The following TNRC18 variants were observed in gnomAD, a reference collection of about 807,000 sequenced individuals.
The protein encoded by TNRC18 is trinucleotide repeat containing 18.
Under a neutral mutation model 226.7 loss-of-function variants are expected in TNRC18, and 69 were observed. That is an observed-to-expected ratio of 0.30 (90% CI 0.25 to 0.37). The LOEUF (loss-of-function observed/expected upper bound fraction) is 0.37, where lower values mean the gene tolerates loss of function less well. Ranked by LOEUF, TNRC18 falls within the 10% of genes least tolerant of loss-of-function variation. The pLI, the probability that TNRC18 is intolerant of heterozygous loss-of-function variation, is 1.00. For synonymous variants in TNRC18, 2,449 were observed against 1,927.6 expected, an observed-to-expected ratio of 1.27 and a Z score of -7.09; for missense variants, 4,754 against 4,256.6, an observed-to-expected ratio of 1.12 and a Z score of -3.25.
intron 24 of TNRC18, 125 bp from the exon 25 acceptor site, chr7:5,316,197 C>T: frequency 3.3e-6 from 2 of 603,726 alleles, no homozygotes; most frequent in East Asian, 7.2e-5. Context: ...GCAGTGGGGA[C>T]ATGGGTGGAG....
chr7:5,315,265 G>A lies in TNRC18; in HGVS notation c.6863-117C>T, dbSNP rs561939969. 144 of 1,144,628 alleles carry A rather than the reference G, an allele frequency of 1.3e-4. No individual in the cohort carries two copies. In the African/African-American group the frequency reaches 1.7e-3, roughly 13 times the overall value. The allele number at this position is 1,144,628 out of a possible 1,614,324, so 70.9% of individuals were successfully genotyped here. ...GGGCGGAAGCAACCGACACCAGGTG[G>A]CTGACCCCGGATGGGCTCCCATGAC... is the stretch of plus-strand genomic sequence containing the variant. On this transcript the variant is annotated intron_variant, in intron 25 of 29. Coordinates refer to ENST00000430969, the MANE Select transcript of TNRC18 (RefSeq NM_001080495.3).
At chr7:5,376,695 T>C (rs1288408409) in intron 8 of TNRC18, among the ~76,000 whole-genome samples, 152 bp downstream of exon 8, 2 of 152,140 alleles carry the variant, frequency 1.3e-5, no homozygotes, top group African/African-American at 4.8e-5. Flanking sequence ...TTTACAACAC[T>C]GGCAACAGAT....
At chr7:5,355,618 G>A (rs1399226222) in intron 16 of TNRC18, among the ~76,000 whole-genome samples, 1 of 152,148 alleles carries the variant, frequency 6.6e-6, no homozygotes, top group Non-Finnish European at 1.5e-5. Flanking sequence ...GCACGTGGTG[G>A]TACACAGCTG....
chr7:5,345,522 T>TCTCCCCCC, intron 18 of TNRC18, 40 bp downstream of exon 18: 1 of 170,136 alleles, frequency 5.9e-6, no homozygotes, highest in Non-Finnish European at 1.1e-5. Context: ...CGTCCGCCCC[T>TCTCCCCCC]CCCACCCACC....
In TNRC18 at chr7:5,377,310, G is replaced by A. The variant is rs1213066213; in HGVS notation, c.2461+61C>T. 22 of 1,401,528 alleles carry A rather than the reference G, an allele frequency of 1.6e-5. No homozygotes were observed. Among genetic ancestry groups the A allele is most frequent in the East Asian group, 2.5e-5 (1 of 39,706 alleles). The allele number at this position is 1,401,528 out of a possible 1,614,324, so 86.8% of individuals were successfully genotyped here. ...GGAGCCAGCCCTGAGCTCTTGTCCT[G>A]CACCCGCCCCCTCCCACCCCTCCCT... is the stretch of plus-strand genomic sequence containing the variant. On this transcript the variant is annotated intron_variant, in intron 7 of 29. Coordinates refer to ENST00000430969, the MANE Select transcript of TNRC18 (RefSeq NM_001080495.3). The surrounding 1 kb of genome is among the most constrained non-coding windows in gnomAD (Gnocchi z 5.8).
At chr7:5,380,558 G>A (rs1357143718) in intron 5 of TNRC18, among the ~76,000 whole-genome samples, 2 of 152,202 alleles carry the variant, frequency 1.3e-5, no homozygotes, top group Non-Finnish European at 2.9e-5. Flanking sequence ...GGGACAGCCG[G>A]GCAGCCCGGC....
intron 11 of TNRC18, among the ~76,000 whole-genome samples, chr7:5,368,541 G>A (rs1478673196): frequency 6.6e-6 from 1 of 151,536 alleles, no homozygotes; most frequent in Non-Finnish European, 1.5e-5. Flanking sequence ...GTGCGTGCCT[G>A]TAATCCCAGG....
chr7:5,345,516 C>CGGGGGGGGGGCGGCG, intron 18 of TNRC18, 46 bp downstream of exon 18: 1 of 354,368 alleles, frequency 2.8e-6, no homozygotes, highest in East Asian at 4.8e-5. Context: ...CAATGGCGTC[C>CGGGGGGGGGGCGGCG]GCCCCTCCCA....
intron 2 of TNRC18, among the ~76,000 whole-genome samples, chr7:5,415,536 C>A (rs184621103): frequency 3.8e-4 from 58 of 151,652 alleles, no homozygotes; most frequent in Admixed American, 9.9e-4. Context: ...CGCCACCACA[C>A]CCAGCCAATT....
chr7:5,403,325 T>G (rs1781240084), intron 2 of TNRC18, among the ~76,000 whole-genome samples: 1 of 152,088 alleles, frequency 6.6e-6, no homozygotes, highest in African/African-American at 2.4e-5. Flanking sequence ...CACGCCCAGC[T>G]AAATTTGTAT....
intron 18 of TNRC18, among the ~76,000 whole-genome samples, chr7:5,339,027 A>G (rs184445191): frequency 2.2e-4 from 32 of 148,278 alleles, no homozygotes; most frequent in African/African-American, 7.9e-4. Flanking sequence ...GCCAGGCACA[A>G]TGGCTCACAC....
At position 5,374,172 on chromosome 7, in the gene TNRC18, AGGCGGGCGGCGGGCTGGTGGGGTGGG is replaced by A; in HGVS notation, c.3086_3111del (p.Ser1029PhefsTer76). 3.1e-6 allele frequency: 1 copy of A among 319,280 alleles called. No individual in the cohort carries two copies. The highest frequency in any genetic ancestry group is 3.6e-6 in the Non-Finnish European group (1 of 275,922). 19.8% of individuals were successfully genotyped at this position (319,280 alleles called of 1,614,324 possible). A position where few individuals can be genotyped will look rare whatever the true frequency, so the allele number is the denominator to read the frequency against. On this transcript the variant is annotated frameshift_variant, in exon 10 of 30. Coordinates refer to ENST00000430969, the MANE Select transcript of TNRC18 (RefSeq NM_001080495.3). LOFTEE classifies it high-confidence loss of function. The stretch of plus-strand genomic sequence containing the variant: ...GTGATACCCGGGGTGGGCGGTGGGG[AGGCGGGCGGCGGGCTGGTGGGGTGGG>A]AGCTGGGGGTGGCGGGGTAGGCGTA...
intron 9 of TNRC18, among the ~76,000 whole-genome samples, chr7:5,375,248 G>A (rs1794543958): frequency 6.6e-6 from 1 of 152,178 alleles, no homozygotes; most frequent in South Asian, 2.1e-4. Context: ...GGCGGAGGTT[G>A]CAGTGACCCG....
At position 5,394,654 on chromosome 7, in the gene TNRC18, AGCCCACCGCCCCG is replaced by A. The variant is rs1780542641; in HGVS notation, c.188-72_188-60del. 1 of 1,066,632 alleles carries A rather than the reference AGCCCACCGCCCCG, an allele frequency of 9.4e-7. No homozygotes were observed. Among genetic ancestry groups the A allele is most frequent in the Non-Finnish European group, 1.2e-6 (1 of 809,948 alleles). The allele number at this position is 1,066,632 out of a possible 1,614,324, so 66.1% of individuals were successfully genotyped here. A position where few individuals can be genotyped will look rare whatever the true frequency, so the allele number is the denominator to read the frequency against. The stretch of plus-strand genomic sequence containing the variant: ...ACAACCAGGGAGGCGCCGCCGCCCC[AGCCCACCGCCCCG>A]ACCCACCGCCCCGAGACCGCCGCCT... On this transcript the variant is annotated intron_variant, in intron 2 of 29. Transcript: ENST00000430969. The surrounding 1 kb of genome is among the most constrained non-coding windows in gnomAD (Gnocchi z 4.5).
At position 5,402,847 on chromosome 7, in the gene TNRC18, C is replaced by CT. The variant is rs1183886731; in HGVS notation, c.188-8253dup. Among the ~76,000 whole-genome samples the CT allele has an allele frequency of 2.8e-5, 4 of 143,498 alleles. 1 individual carries two copies. The highest frequency in any genetic ancestry group is 2.7e-4 in the Admixed American group (4 of 14,794). The allele number at this position is 143,498 out of a possible 152,430, so 94.1% of individuals were successfully genotyped here. A position where few individuals can be genotyped will look rare whatever the true frequency, so the allele number is the denominator to read the frequency against. ...CAAGCCTCGGCGACAGAGTGAGACT[C>CT]TGTCTCAAAAAAAAAAATATATTTA... On this transcript the variant is annotated intron_variant, in intron 2 of 29. Transcript: ENST00000430969.
chr7:5,378,903 A>G (rs552416073), intron 5 of TNRC18, among the ~76,000 whole-genome samples: 1 of 143,706 alleles, frequency 7.0e-6, no homozygotes, highest in Non-Finnish European at 1.5e-5. Flanking sequence ...ACACATGGCT[A>G]GCCAGGCGAG....
Position 5,315,088 on chromosome 7 carries a change from C to A in TNRC18, c.6923G>T (p.Ser2308Ile), listed in dbSNP as rs1787712256. The A allele has an allele frequency of 1.9e-6, 3 of 1,612,784 alleles. No individual in the cohort carries two copies. The highest frequency in any genetic ancestry group is 2.5e-6 in the Non-Finnish European group (3 of 1,179,640). The change falls in exon 26 of 30, where the codon AGC (serine) becomes ATC (isoleucine). Residue 2308 changes from serine (S) to isoleucine (I), a missense_variant. By Grantham distance (142) the Ser-to-Ile change is moderately radical. Transcript: ENST00000430969. Reference protein sequence around the residue: ...PSAKRRSRKTSKDTGEGKDGG... With the variant: ...PSAKRRSRKTIKDTGEGKDGG... ...ATCTTTGCCCTCCCCAGTGTCTTTG[C>A]TGGTCTTCCGGCTGCGGCGCTTGGC...
chr7:5,368,797 G>A (rs1162442867), intron 11 of TNRC18, among the ~76,000 whole-genome samples: 1 of 152,084 alleles, frequency 6.6e-6, no homozygotes, highest in Non-Finnish European at 1.5e-5. Flanking sequence ...CTAAAACACT[G>A]GCAGGGATAT....
chr7:5,345,566 C>A lies in TNRC18; in HGVS notation c.5715G>T (p.Leu1905=). The A allele has an allele frequency of 1.3e-5, 19 of 1,468,514 alleles. No homozygotes were observed. The highest frequency in any genetic ancestry group is 1.7e-5 in the Non-Finnish European group (19 of 1,096,940). The allele number at this position is 1,468,514 out of a possible 1,614,324, so 91.0% of individuals were successfully genotyped here. A position where few individuals can be genotyped will look rare whatever the true frequency, so the allele number is the denominator to read the frequency against. ...KARKKEERQS[L]LGTEFEYTDS... ...AGCCCACCTGCTGCCACTTACCCAGCAGGCTCTGCCGCTCCTCTTTCTTCC... is the reference window on the plus strand; with the variant it reads ...AGCCCACCTGCTGCCACTTACCCAGAAGGCTCTGCCGCTCCTCTTTCTTCC... Residue 1905 remains leucine (L), a synonymous_variant, in exon 18 of 30, where the codon CTG becomes CTT. Coordinates refer to ENST00000430969, the MANE Select transcript of TNRC18 (RefSeq NM_001080495.3).
Sources: gnomAD v4.1 joint callset for allele counts (sites outside exome capture counted in the v4.1 genomes callset) on GRCh38, gnomAD v4.1.1 for gene constraint, Gnocchi (gnomAD v3.1) non-coding constraint, MANE v1.5 for transcripts, NCBI Gene and HGNC (gene_info 2026-07-23, HGNC 2026-07-21) for gene names.